Variants in OSBPL6 observed in about 807,000 individuals in gnomAD.
OSBPL6 encodes oxysterol binding protein like 6.
In OSBPL6, 49 loss-of-function variants were observed where a neutral mutation model predicts 125.8. The observed-to-expected ratio is 0.39, with a 90% CI of 0.31 to 0.49. The LOEUF (loss-of-function observed/expected upper bound fraction) is 0.49, where lower values mean the gene tolerates loss of function less well. Ranked by LOEUF, OSBPL6 falls within the 20% of genes least tolerant of loss-of-function variation. The pLI is 0.88. For missense variants in OSBPL6, 986 were observed against 1,135.4 expected, an observed-to-expected ratio of 0.87 and a Z score of 1.89; for synonymous variants, 394 against 391.8, an observed-to-expected ratio of 1.01 and a Z score of -0.07.
At chr2:178,374,066 G>A in intron 15 of OSBPL6, 39 bp downstream of exon 15, 1 of 1,598,182 alleles carries the variant, frequency 6.3e-7, no homozygotes, top group South Asian at 1.1e-5. Flanking sequence ...TCAACATCTT[G>A]TGACTGAGTT....
At chr2:178,305,070 C>A (rs1244007707) in intron 2 of OSBPL6, among the ~76,000 whole-genome samples, 1 of 152,178 alleles carries the variant, frequency 6.6e-6, no homozygotes, top group Admixed American at 6.5e-5. Flanking sequence ...CTTTCCTTCC[C>A]AGCCTGTGCT....
At chr2:178,356,528 C>T (rs1402797553) in intron 12 of OSBPL6, among the ~76,000 whole-genome samples, 1 of 152,178 alleles carries the variant, frequency 6.6e-6, no homozygotes, top group African/African-American at 2.4e-5. Context: ...ATCCAACTTA[C>T]AAGGGATGTG....
At chr2:178,316,127 A>G (rs542823868) in intron 3 of OSBPL6, among the ~76,000 whole-genome samples, 3 of 152,302 alleles carry the variant, frequency 2.0e-5, no homozygotes, top group East Asian at 3.9e-4. Context: ...ACTCCCAATT[A>G]AGAGCTGATT....
intron 12 of OSBPL6, among the ~76,000 whole-genome samples, chr2:178,354,823 C>G (rs1286178020): frequency 6.6e-6 from 1 of 151,730 alleles, no homozygotes; most frequent in Admixed American, 6.6e-5. Context: ...CTAAAATTGA[C>G]CACATAATTG....
Position 178,301,271 on chromosome 2 carries a change from T to C in OSBPL6, c.-155-4759T>C, listed in dbSNP as rs140353932. On this transcript the variant is annotated intron_variant, in intron 2 of 24. Transcript: ENST00000190611. ...ATGATCAAGACTAAATGTATAACTA[T>C]TACAGACTCTTTTGTGATAAATCTC... Among the ~76,000 whole-genome samples the C allele has an allele frequency of 5.9e-5, 9 of 152,272 alleles. No individual in the cohort carries two copies. In the East Asian group the frequency reaches 1.5e-3, roughly 26 times the overall value.
At chr2:178,206,937 T>C (rs1351874377) in intron 1 of OSBPL6, among the ~76,000 whole-genome samples, 1 of 152,016 alleles carries the variant, frequency 6.6e-6, no homozygotes, top group Admixed American at 6.6e-5. Context: ...TGTTTGTTTG[T>C]TTTGTTTTTA....
intron 1 of OSBPL6, among the ~76,000 whole-genome samples, chr2:178,242,662 C>G (rs1442147347): frequency 6.6e-6 from 1 of 152,076 alleles, no homozygotes; most frequent in Non-Finnish European, 1.5e-5. Context: ...ATTAAGAGTC[C>G]CTTATAACCT....
Position 178,396,687 on chromosome 2 carries a change from A to G in OSBPL6, c.*1128A>G, listed in dbSNP as rs1180476857. On this transcript the variant is annotated 3_prime_UTR_variant, in exon 25 of 25. Coordinates refer to ENST00000190611, the MANE Select transcript of OSBPL6 (RefSeq NM_032523.4). Reference sequence around the variant, plus strand: ...TTAAATGAATTCTATGCAAAATCATATTTCAAATTTTCATCAAGTGATTCC... The same window carrying G: ...TTAAATGAATTCTATGCAAAATCATGTTTCAAATTTTCATCAAGTGATTCC... 2 of 152,238 alleles carry G rather than the reference A, an allele frequency of 1.3e-5. No individual in the cohort carries two copies. Among genetic ancestry groups the G allele is most frequent in the African/African-American group, 4.8e-5 (2 of 41,470 alleles). 9.4% of individuals were successfully genotyped at this position (152,238 alleles called of 1,614,324 possible). A position where few individuals can be genotyped will look rare whatever the true frequency, so the allele number is the denominator to read the frequency against.
At chr2:178,272,572 G>A (rs1249451902) in intron 1 of OSBPL6, among the ~76,000 whole-genome samples, 1 of 152,152 alleles carries the variant, frequency 6.6e-6, no homozygotes, top group Non-Finnish European at 1.5e-5. Flanking sequence ...ATGCACCACC[G>A]TTAGTAGCTG....
intron 16 of OSBPL6, 23 bp downstream of exon 16, chr2:178,382,530 G>C (rs758586017): frequency 1.9e-6 from 3 of 1,613,856 alleles, no homozygotes; most frequent in Middle Eastern, 1.7e-4. Context: ...TGAGCTTCCA[G>C]GTTGTTCTAT....
At chr2:178,390,848 T>G (rs1695344340) in intron 21 of OSBPL6, among the ~76,000 whole-genome samples, 1 of 152,240 alleles carries the variant, frequency 6.6e-6, no homozygotes, top group Non-Finnish European at 1.5e-5. Flanking sequence ...GCCTTCTCTG[T>G]GATATACTAC....
intron 9 of OSBPL6, among the ~76,000 whole-genome samples, chr2:178,337,938 C>T (rs1402590730): frequency 7.9e-6 from 1 of 126,390 alleles, no homozygotes; most frequent in Non-Finnish European, 1.7e-5. Flanking sequence ...AGAAAAGTAA[C>T]TCAGTATTCT....
In OSBPL6 at chr2:178,250,599, CA is replaced by C. The variant is rs1391527384; in HGVS notation, c.-350-34327del. Among the ~76,000 whole-genome samples the C allele has an allele frequency of 4.6e-5, 7 of 152,298 alleles. No homozygotes were observed. In the East Asian group the frequency reaches 1.3e-3, roughly 29 times the overall value. ...TTACCTTTCTTGATTGACAAGGCCCCACTTCCCTTCCTCAGGGCTTCTGCAC... is the reference window on the plus strand; with the variant it reads ...TTACCTTTCTTGATTGACAAGGCCCCCTTCCCTTCCTCAGGGCTTCTGCAC... On this transcript the variant is annotated intron_variant, in intron 1 of 24. Transcript: ENST00000190611.
At chr2:178,278,752 C>T (rs1478162565) in intron 1 of OSBPL6, among the ~76,000 whole-genome samples, 1 of 152,174 alleles carries the variant, frequency 6.6e-6, no homozygotes, top group Non-Finnish European at 1.5e-5. Context: ...GAACTTGAAA[C>T]TTTCATAGGT....
Position 178,397,142 on chromosome 2 carries a change from T to C in OSBPL6, c.*1583T>C, listed in dbSNP as rs2154122000. On this transcript the variant is annotated 3_prime_UTR_variant, in exon 25 of 25. Coordinates refer to ENST00000190611, the MANE Select transcript of OSBPL6 (RefSeq NM_032523.4). ...GCAAAGCATTCCTAATAATGGCTAA[T>C]ACACCATCAAATGAAAAACTGCTGA... The C allele has an allele frequency of 6.6e-6, 1 of 152,350 alleles. No homozygotes were observed. Among genetic ancestry groups the C allele is most frequent in the East Asian group, 1.9e-4 (1 of 5,194 alleles). 9.4% of individuals were successfully genotyped at this position (152,350 alleles called of 1,614,324 possible).
intron 5 of OSBPL6, among the ~76,000 whole-genome samples, chr2:178,330,612 T>G (rs1362554293): frequency 1.3e-5 from 2 of 152,186 alleles, no homozygotes; most frequent in East Asian, 3.9e-4. Context: ...TGTGCAGAAC[T>G]CACAGAAGGC....
intron 1 of OSBPL6, among the ~76,000 whole-genome samples, chr2:178,247,681 G>T (rs1373644852): frequency 6.6e-6 from 1 of 151,956 alleles, no homozygotes; most frequent in African/African-American, 2.4e-5. Context: ...CTCATCTTTG[G>T]GCCTTTCCCT....
rs558542784 is a variant in OSBPL6, at chr2:178,306,043, C to T, written c.-142C>T. The T allele has an allele frequency of 7.9e-5, 46 of 580,188 alleles. No homozygotes were observed. In the South Asian group the frequency reaches 1.0e-3, roughly 13 times the overall value. 35.9% of individuals were successfully genotyped at this position (580,188 alleles called of 1,614,324 possible). On this transcript the variant is annotated 5_prime_UTR_variant, in exon 3 of 25. Transcript: ENST00000190611. ...TTTTGCTTTTAGGTGGTTTGGACAC[C>T]CTCAATATTGCCTGCTCTTTTCTAG...
chr2:178,215,650 A>G (rs980520416), intron 1 of OSBPL6, among the ~76,000 whole-genome samples: 1 of 151,904 alleles, frequency 6.6e-6, no homozygotes, highest in Non-Finnish European at 1.5e-5. Context: ...TGTTCCTGTG[A>G]TTTAGGGAGA....
Sources: gnomAD v4.1 joint callset for allele counts (sites outside exome capture counted in the v4.1 genomes callset) on GRCh38, gnomAD v4.1.1 for gene constraint, MANE v1.5 for transcripts, NCBI Gene and HGNC (gene_info 2026-07-23, HGNC 2026-07-21) for gene names.